Variants in ARL6IP1 observed in about 807,000 individuals in gnomAD.
The protein encoded by ARL6IP1 is ADP-ribosylation factor-like protein 6-interacting protein 1.
ARL6IP1 carries 16 observed loss-of-function variants against 30.1 expected under a neutral mutation model. The ratio of observed to expected loss-of-function variants is 0.53; its 90% confidence interval spans 0.36 to 0.81. The LOEUF is 0.81. ARL6IP1 is among the 30% of genes least tolerant of loss of function. ARL6IP1 has a pLI of 0.01. For synonymous variants in ARL6IP1, 72 were observed against 84.8 expected, an observed-to-expected ratio of 0.85 and a Z score of 0.83; for missense variants, 173 against 242.7, an observed-to-expected ratio of 0.71 and a Z score of 1.91.
chr16:18,801,215 C>T (rs1477785551), intron 1 of ARL6IP1: 18 of 1,414,764 alleles, frequency 1.3e-5, no homozygotes, highest in Non-Finnish European at 1.7e-5. Context: ...TGATGAATCA[C>T]GCGCCCTCCT....
chr16:18,798,529 G>T, intron 2 of ARL6IP1, 172 bp downstream of exon 2: 1 of 689,138 alleles, frequency 1.5e-6, no homozygotes, highest in Non-Finnish European at 2.1e-6. Flanking sequence ...CAAGTTTACA[G>T]AAGTACTACA....
chr16:18,794,688 C>G lies in ARL6IP1; in HGVS notation c.409-5G>C. On this transcript the variant is annotated splice_polypyrimidine_tract_variant and splice_region_variant and intron_variant, in intron 4 of 5. Transcript: ENST00000304414. The stretch of plus-strand genomic sequence containing the variant: ...AACGATCATGGTCATGAAGTACTAG[C>G]AATGAAAACAAGAATTTAATATCAA... 1 of 1,607,300 alleles carries G rather than the reference C, an allele frequency of 6.2e-7. No individual in the cohort carries two copies. The highest frequency in any genetic ancestry group is 8.5e-7 in the Non-Finnish European group (1 of 1,176,044).
Position 18,801,518 on chromosome 16 carries a change from T to A in ARL6IP1, c.-52A>T, listed in dbSNP as rs776314318. The stretch of plus-strand genomic sequence containing the variant: ...CGCAGGCCACCTCCCCAACGAGTCC[T>A]CCAACCGAAACCCGCACACCAACCA... On this transcript the variant is annotated 5_prime_UTR_variant, in exon 1 of 6. Coordinates refer to ENST00000304414, the MANE Select transcript of ARL6IP1 (RefSeq NM_015161.3). The A allele has an allele frequency of 6.3e-7, 1 of 1,598,638 alleles. No homozygotes were observed. The highest frequency in any genetic ancestry group is 1.8e-5 in the Admixed American group (1 of 56,188).
At chr16:18,794,740 G>T in intron 4 of ARL6IP1, 57 bp from the exon 5 acceptor site, 3 of 1,218,728 alleles carry the variant, frequency 2.5e-6, no homozygotes, top group Non-Finnish European at 3.5e-6. Flanking sequence ...ATAAATATAT[G>T]TAATTTTTAT....
At chr16:18,797,234 A>C (rs1260162160) in intron 3 of ARL6IP1, among the ~76,000 whole-genome samples, 1 of 151,668 alleles carries the variant, frequency 6.6e-6, no homozygotes, top group Non-Finnish European at 1.5e-5. Flanking sequence ...AAAAAAAAAA[A>C]ATTAGCCAGG....
At chr16:18,801,340 G>A in intron 1 of ARL6IP1, 91 bp downstream of exon 1, 5 of 1,571,042 alleles carry the variant, frequency 3.2e-6, no homozygotes, top group Non-Finnish European at 4.3e-6. Context: ...CCGGGCCCGC[G>A]GCGGGTGACA....
rs369603725 is a variant in ARL6IP1 at position 18,794,666 on chromosome 16, G to C, written c.426C>G (p.Ile142Met). Residue 142 changes from isoleucine (I) to methionine (M), a missense_variant, in exon 5 of 6, where the codon ATC (isoleucine) becomes ATG (methionine). Coordinates refer to ENST00000304414, the MANE Select transcript of ARL6IP1 (RefSeq NM_015161.3). ...EKPKMYFMTM[I>M]VSLAAVAWVG... is the part of the protein sequence containing the mutation. ...CCCAAGCAACCGCAGCAAGGGAAAC[G>C]ATCATGGTCATGAAGTACTAGCAAT... 1.9e-6 allele frequency: 3 copies of C among 1,612,882 alleles called. No individual in the cohort carries two copies. The highest frequency in any genetic ancestry group is 3.3e-4 in the Middle Eastern group (2 of 6,080).
intron 1 of ARL6IP1, 147 bp from the exon 2 acceptor site, chr16:18,798,981 T>C: frequency 1.1e-6 from 1 of 880,828 alleles, no homozygotes; most frequent in Non-Finnish European, 1.7e-6. Context: ...TCTGAAAAAC[T>C]GCAATTTCAA....
Position 18,793,295 on chromosome 16 carries a change from TC to T in ARL6IP1, c.568del (p.Glu190ArgfsTer2), listed in dbSNP as rs1476150940. ...ILKYIGMAKREINKLLKQKEK... is the reference protein window; with the variant it reads ...ILKYIGMAKRXINKLLKQKEK... ...TTTTTGTTTGAGAAGTTTGTTTATC[TC>T]CCTCTTGGCCATTCCAATGTACTTC... On this transcript the variant is annotated frameshift_variant, in exon 6 of 6. Transcript: ENST00000304414. LOFTEE classifies it high-confidence loss of function. The T allele has an allele frequency of 1.9e-6, 3 of 1,613,240 alleles. No individual in the cohort carries two copies. The highest frequency in any genetic ancestry group is 1.7e-6 in the Non-Finnish European group (2 of 1,179,882).
intron 1 of ARL6IP1, among the ~76,000 whole-genome samples, chr16:18,801,018 A>C (rs1053165674): frequency 6.6e-6 from 1 of 152,196 alleles, no homozygotes; most frequent in Non-Finnish European, 1.5e-5. Flanking sequence ...CCCTTGTCCA[A>C]GTTTTAGGGG....
intron 1 of ARL6IP1, chr16:18,801,167 C>A (rs1019659191): frequency 2.9e-6 from 4 of 1,389,832 alleles, no homozygotes; most frequent in Non-Finnish European, 3.7e-6. Flanking sequence ...TGTCGCAGCC[C>A]CTCTGCCTCC....
Position 18,793,213 on chromosome 16 carries a change from A to T in ARL6IP1, c.*39T>A. On this transcript the variant is annotated 3_prime_UTR_variant, in exon 6 of 6. Coordinates refer to ENST00000304414, the MANE Select transcript of ARL6IP1 (RefSeq NM_015161.3). ...TACAGCAGAAACGGTTCCCGGGGCA[A>T]TGGGTGCTGCATTAATCACACTGAT... 1 of 1,368,954 alleles carries T rather than the reference A, an allele frequency of 7.3e-7. No homozygotes were observed. The highest frequency in any genetic ancestry group is 1.0e-6 in the Non-Finnish European group (1 of 970,138). 84.8% of individuals were successfully genotyped at this position (1,368,954 alleles called of 1,614,324 possible).
rs2030092157 is a variant in ARL6IP1 at position 18,792,338 on chromosome 16, T to G, written c.*914A>C. 6.6e-6 allele frequency: 1 copy of G among 152,222 alleles called. No individual in the cohort carries two copies. Among genetic ancestry groups the G allele is most frequent in the African/African-American group, 2.4e-5 (1 of 41,436 alleles). 9.4% of individuals were successfully genotyped at this position (152,222 alleles called of 1,614,324 possible). On this transcript the variant is annotated 3_prime_UTR_variant, in exon 6 of 6. Coordinates refer to ENST00000304414, the MANE Select transcript of ARL6IP1 (RefSeq NM_015161.3). ...GAGGTTTACCTTAAAAGGCTTATTC[T>G]GGTCTCAAAAATTAGATAAGATTAT... is the stretch of plus-strand genomic sequence containing the variant.
At chr16:18,800,005 C>A (rs2141874528) in intron 1 of ARL6IP1, among the ~76,000 whole-genome samples, 1 of 152,304 alleles carries the variant, frequency 6.6e-6, no homozygotes, top group East Asian at 1.9e-4. Context: ...AGATCGGGAC[C>A]AGCCTGGGCT....
intron 1 of ARL6IP1, 189 bp downstream of exon 1, chr16:18,801,242 G>C: frequency 7.0e-7 from 1 of 1,422,588 alleles, no homozygotes; most frequent in Non-Finnish European, 9.2e-7. Context: ...GTCGCGCACC[G>C]TCCCCAGGAA....
intron 1 of ARL6IP1, chr16:18,801,213 C>T (rs1189580081): frequency 2.8e-6 from 4 of 1,414,878 alleles, no homozygotes; most frequent in East Asian, 2.6e-5. Flanking sequence ...GGTGATGAAT[C>T]ACGCGCCCTC....
rs772617048 is a variant in ARL6IP1 at position 18,797,947 on chromosome 16, T to C, written c.268A>G (p.Arg90Gly). ...ADYLVPILAP[R>G]IFGSNKWTTE... Reference sequence around the variant, plus strand: ...TACCATTTATTGGAGCCAAAAATTCTAGGCGCTAGAATGGGAACAAGGTAG... The same window carrying C: ...TACCATTTATTGGAGCCAAAAATTCCAGGCGCTAGAATGGGAACAAGGTAG... Residue 90 changes from arginine (R) to glycine (G), a missense_variant, in exon 3 of 6, where the codon AGA (arginine) becomes GGA (glycine). Coordinates refer to ENST00000304414, the MANE Select transcript of ARL6IP1 (RefSeq NM_015161.3). The C allele has an allele frequency of 1.2e-5, 20 of 1,611,812 alleles. No homozygotes were observed. Among genetic ancestry groups the C allele is most frequent in the Admixed American group, 1.7e-5 (1 of 59,380 alleles).
rs757648686 is a variant in ARL6IP1, at chr16:18,801,433, G to A, written c.34C>T (p.Leu12=). ...GGGGACAGGCAGCCAGGACTCACCA[G>A]CAGGTTGGTGCTGCGATTATCTCCC... ...AEGDNRSTNL[L]AAETASLEEQ... is the part of the protein sequence containing the mutation. The change falls in exon 1 of 6, where the codon CTG becomes TTG. Residue 12 remains leucine, a splice_region_variant and synonymous_variant. Transcript: ENST00000304414. The A allele has an allele frequency of 1.2e-6, 2 of 1,612,942 alleles. No individual in the cohort carries two copies. The highest frequency in any genetic ancestry group is 2.2e-5 in the South Asian group (2 of 90,852).
Position 18,791,758 on chromosome 16 carries a change from A to G in ARL6IP1, c.*1494T>C, listed in dbSNP as rs1278570205. 6.6e-6 allele frequency: 1 copy of G among 152,460 alleles called. No homozygotes were observed. Among genetic ancestry groups the G allele is most frequent in the Non-Finnish European group, 1.5e-5 (1 of 68,048 alleles). 9.4% of individuals were successfully genotyped at this position (152,460 alleles called of 1,614,324 possible). ...ATTAAAACTGCAAAAGTAGTTAATC[A>G]GTAGAATATGTATGCACACAAAAAA... On this transcript the variant is annotated 3_prime_UTR_variant, in exon 6 of 6. Transcript: ENST00000304414.
Sources: allele counts gnomAD v4.1 joint callset (sites outside exome capture counted in the v4.1 genomes callset), GRCh38; gene constraint gnomAD v4.1.1; transcripts MANE v1.5; gene names NCBI Gene and HGNC (gene_info 2026-07-23, HGNC 2026-07-21).